LRRC66: variants seen among roughly 807,000 people sequenced by gnomAD.
LRRC66 encodes the protein leucine rich repeat containing 66, also known as leucine-rich repeat-containing protein 66.
Under a neutral mutation model 24.6 loss-of-function variants are expected in LRRC66, and 29 were observed. The observed-to-expected ratio is 1.18, with a 90% CI of 0.88 to 1.61. LRRC66 has a LOEUF of 1.61. Ranked by LOEUF, LRRC66 falls within the 40% of genes most tolerant of loss-of-function variation. The pLI, the probability that LRRC66 is intolerant of heterozygous loss-of-function variation, is 0.00. For missense variants in LRRC66, 1,124 were observed against 1,058.0 expected (o/e 1.06, Z -0.87); for synonymous variants, 411 against 397.6 (o/e 1.03, Z -0.40).
At chr4:52,012,594 T>C (rs1217152097) in intron 2 of LRRC66, among the ~76,000 whole-genome samples, 1 of 152,150 alleles carries the variant, frequency 6.6e-6, no homozygotes, top group Non-Finnish European at 1.5e-5. Context: ...TAAGCCAATG[T>C]TCAGAGGGTA....
intron 2 of LRRC66, among the ~76,000 whole-genome samples, chr4:52,014,560 CAAAG>C (rs1736771410): frequency 6.6e-6 from 1 of 152,100 alleles, no homozygotes; most frequent in African/African-American, 2.4e-5. Context: ...AATTGAAGAA[CAAAG>C]AAATAGGCCA....
rs997458970 is a variant in LRRC66, at chr4:52,018,266, G to A, written c.-5-648C>T. 4.1e-6 allele frequency: 4 copies of A among 984,574 alleles called. No homozygotes were observed. The African/African-American group carries it at 5.2e-5, about 13-fold the overall frequency. The allele number at this position is 984,574 out of a possible 1,614,324, so 61.0% of individuals were successfully genotyped here. A position where few individuals can be genotyped will look rare whatever the true frequency, so the allele number is the denominator to read the frequency against. Reference sequence around the variant, plus strand: ...GCTCCAAGCCATGAAGATGTAATACGATACAGAAACATTGAGTATCTTTTG... The same window carrying A: ...GCTCCAAGCCATGAAGATGTAATACAATACAGAAACATTGAGTATCTTTTG... On this transcript the variant is annotated intron_variant, in intron 1 of 4. Transcript: ENST00000682860.
chr4:52,001,136 A>G (rs572892948), intron 3 of LRRC66, among the ~76,000 whole-genome samples: 1 of 152,368 alleles, frequency 6.6e-6, no homozygotes, highest in African/African-American at 2.4e-5. Context: ...TTGAGGACAC[A>G]GGCATTAACA....
chr4:52,011,490 C>G (rs1044320566), intron 2 of LRRC66, among the ~76,000 whole-genome samples: 54 of 152,250 alleles, frequency 3.5e-4, no homozygotes, highest in African/African-American at 1.1e-3. Flanking sequence ...TAAATATGAA[C>G]AGAGGCACCC....
At position 51,996,057 on chromosome 4, in the gene LRRC66, T is replaced by C; in HGVS notation, c.965A>G (p.Glu322Gly). The C allele has an allele frequency of 6.2e-7, 1 of 1,614,112 alleles. No individual in the cohort carries two copies. The highest frequency in any genetic ancestry group is 8.5e-7 in the Non-Finnish European group (1 of 1,180,022). Residue 322 changes from glutamate (E) to glycine (G), a missense_variant, in exon 5 of 5, where the codon GAG becomes GGG. By Grantham distance (98) the Glu-to-Gly change is moderately conservative. Coordinates refer to ENST00000682860, the MANE Select transcript of LRRC66 (RefSeq NM_001024611.3). ...CGTGTGCCTTCCTCCCTGGGGCCTCTCTGCTTTGCTCCTTATGAGGCTTTT... is the reference window on the plus strand; with the variant it reads ...CGTGTGCCTTCCTCCCTGGGGCCTCCCTGCTTTGCTCCTTATGAGGCTTTT... ...RMKSLIRSKA[E>G]RPQGGRHTGI...
chr4:52,010,079 C>T (rs1255386516), intron 2 of LRRC66, among the ~76,000 whole-genome samples: 2 of 152,004 alleles, frequency 1.3e-5, no homozygotes, highest in Non-Finnish European at 2.9e-5. Flanking sequence ...AAAAAAGAAA[C>T]CCATATGATC....
At position 51,994,146 on chromosome 4, in the gene LRRC66, C is replaced by T; in HGVS notation, c.*233G>A. 1 of 473,248 alleles carries T rather than the reference C, an allele frequency of 2.1e-6. No homozygotes were observed. Among genetic ancestry groups the T allele is most frequent in the Admixed American group, 3.9e-5 (1 of 25,660 alleles). 29.3% of individuals were successfully genotyped at this position (473,248 alleles called of 1,614,324 possible). ...AATATTCCCCTCTTTCTCTTTCACA[C>T]TGAAGAGCAGGTTCATCCCCATAGG... On this transcript the variant is annotated 3_prime_UTR_variant, in exon 5 of 5. Transcript: ENST00000682860.
intron 2 of LRRC66, among the ~76,000 whole-genome samples, chr4:52,006,233 T>C (rs1736581333): frequency 6.6e-6 from 1 of 152,168 alleles, no homozygotes; most frequent in Admixed American, 6.5e-5. Context: ...ATCATGCTGC[T>C]ATAAAGACAC....
chr4:52,018,671 T>C, intron 1 of LRRC66: 1 of 875,624 alleles, frequency 1.1e-6, no homozygotes, highest in Non-Finnish European at 1.4e-6. Context: ...TCATTTGAAA[T>C]CCTCAAAGGG....
At chr4:52,010,073 A>G (rs1214895509) in intron 2 of LRRC66, among the ~76,000 whole-genome samples, 1 of 152,224 alleles carries the variant, frequency 6.6e-6, no homozygotes, top group Non-Finnish European at 1.5e-5. Context: ...CAGATTAAAA[A>G]AGAAACCCAT....
At chr4:52,006,769 G>T (rs545337954) in intron 2 of LRRC66, among the ~76,000 whole-genome samples, 2 of 149,434 alleles carry the variant, frequency 1.3e-5, no homozygotes, top group Non-Finnish European at 3.0e-5. Flanking sequence ...AAAAGTGACA[G>T]AAGAAATTAT....
chr4:52,003,389 A>G lies in LRRC66; in HGVS notation c.500T>C (p.Leu167Pro), dbSNP rs767664037. The G allele has an allele frequency of 1.2e-6, 2 of 1,607,996 alleles. No homozygotes were observed. Among genetic ancestry groups the G allele is most frequent in the South Asian group, 2.2e-5 (2 of 89,308 alleles). The change falls in exon 3 of 5, where the codon CTG (leucine) becomes CCG (proline). Residue 167 changes from leucine to proline, a missense_variant. Transcript: ENST00000682860. ...RNKLSDTPKG[L>P]WKLKSLQSLD... is the part of the protein sequence containing the mutation. The stretch of plus-strand genomic sequence containing the variant: ...ACTCTGCAATGACTTCAGTTTCCAC[A>G]GTCCTGTTAAAATGAAAAAGTAAGT...
At chr4:52,005,288 G>T (rs1736547358) in intron 2 of LRRC66, among the ~76,000 whole-genome samples, 1 of 152,122 alleles carries the variant, frequency 6.6e-6, no homozygotes, top group African/African-American at 2.4e-5. Flanking sequence ...CTATCAATGG[G>T]GGCGTGAGCT....
intron 4 of LRRC66, among the ~76,000 whole-genome samples, chr4:51,997,085 A>AT (rs1019391765): frequency 6.6e-6 from 1 of 152,030 alleles, no homozygotes; most frequent in African/African-American, 2.4e-5. Context: ...TCTATGACTC[A>AT]TTTTTTTCAT....
In LRRC66 at chr4:51,997,729, A is replaced by G. The variant is rs746349608; in HGVS notation, c.856+19T>C. ...TTCATTATAAATGGAGCCTTTTCAGAGAGACATTACTGACTTACCTATAGA... is the reference window on the plus strand; with the variant it reads ...TTCATTATAAATGGAGCCTTTTCAGGGAGACATTACTGACTTACCTATAGA... On this transcript the variant is annotated intron_variant, in intron 4 of 4. Coordinates refer to ENST00000682860, the MANE Select transcript of LRRC66 (RefSeq NM_001024611.3). 1.9e-6 allele frequency: 3 copies of G among 1,600,444 alleles called. No individual in the cohort carries two copies. Among genetic ancestry groups the G allele is most frequent in the Non-Finnish European group, 1.7e-6 (2 of 1,169,494 alleles).
rs200802422 is a variant in LRRC66 at position 51,994,161 on chromosome 4, ATCCC to A, written c.*214_*217del. The A allele has an allele frequency of 0.011, 5,930 of 517,200 alleles. 219 individuals carry two copies. Among genetic ancestry groups the A allele is most frequent in the East Asian group, 0.072 (2,291 of 31,646 alleles). The allele number at this position is 517,200 out of a possible 1,614,324, so 32.0% of individuals were successfully genotyped here. ...CTCTTTCACACTGAAGAGCAGGTTC[ATCCC>A]CATAGGATGTTAACAAGTGTGTTTA... On this transcript the variant is annotated 3_prime_UTR_variant, in exon 5 of 5. Transcript: ENST00000682860.
intron 1 of LRRC66, among the ~76,000 whole-genome samples, 97 bp downstream of exon 1, chr4:52,020,207 C>T (rs539893363): frequency 1.4e-4 from 21 of 152,218 alleles, no homozygotes; most frequent in African/African-American, 4.6e-4. Context: ...TTCATTTATA[C>T]ATAAAAGAAA....
chr4:52,011,433 C>T (rs556699812), intron 2 of LRRC66, among the ~76,000 whole-genome samples: 3 of 152,226 alleles, frequency 2.0e-5, no homozygotes, highest in East Asian at 1.9e-4. Context: ...TCAAAAAGTG[C>T]TCTGAAAAAG....
chr4:52,008,414 T>C (rs1205980693), intron 2 of LRRC66, among the ~76,000 whole-genome samples: 1 of 152,028 alleles, frequency 6.6e-6, no homozygotes, highest in South Asian at 2.1e-4. Flanking sequence ...TTAAGGCACA[T>C]ATAAATAAAA....
Sources: allele counts gnomAD v4.1 joint callset (sites outside exome capture counted in the v4.1 genomes callset), GRCh38; gene constraint gnomAD v4.1.1; transcripts MANE v1.5; gene names NCBI Gene and HGNC (gene_info 2026-07-23, HGNC 2026-07-21).